The following RAG1 variants were observed in gnomAD, a reference collection of about 807,000 sequenced individuals.
The protein encoded by RAG1 is V(D)J recombination-activating protein 1.
Under a neutral mutation model 62.7 loss-of-function variants are expected in RAG1, and 35 were observed. That is an observed-to-expected ratio of 0.56 (90% CI 0.43 to 0.74). The LOEUF (loss-of-function observed/expected upper bound fraction) is 0.74, where lower values mean the gene tolerates loss of function less well. Ranked by LOEUF, RAG1 falls within the 30% of genes least tolerant of loss-of-function variation. The pLI is 0.00. For missense variants in RAG1, 1,169 were observed against 1,278.6 expected, an observed-to-expected ratio of 0.91 and a Z score of 1.31; for synonymous variants, 461 against 470.3, an observed-to-expected ratio of 0.98 and a Z score of 0.26.
intron 2 of RAG1, among the ~76,000 whole-genome samples, chr11:36,526,073 A>G (rs1046236048): frequency 1.3e-5 from 2 of 152,144 alleles, no homozygotes; most frequent in African/African-American, 4.8e-5. Context: ...ATATTGTTGA[A>G]GTCTGTTTGC....
At chr11:36,543,014 GC>G (rs1306814333) in intron 3 of RAG1, among the ~76,000 whole-genome samples, 1 of 152,132 alleles carries the variant, frequency 6.6e-6, no homozygotes, top group African/African-American at 2.4e-5. Flanking sequence ...TCTAATCAGT[GC>G]CTCGTTTTCT....
chr11:36,575,748 T>A lies in RAG1; in HGVS notation c.2444T>A (p.Ile815Lys). The change falls in exon 2 of 2, where the codon ATA becomes AAA. Residue 815 changes from isoleucine to lysine, a missense_variant. By Grantham distance (102) the Ile-to-Lys change is moderately radical (BLOSUM62 -3). Coordinates refer to ENST00000299440, the MANE Select transcript of RAG1 (RefSeq NM_000448.3). The surrounding 1 kb of genome is among the most constrained non-coding windows in gnomAD (Gnocchi z 4.1). Reference sequence around the variant, plus strand: ...TTCTACAAGATCTTCCAGCTAGAGATAGGGGAAGTGTATAAGAATCCCAAT... The same window carrying A: ...TTCTACAAGATCTTCCAGCTAGAGAAAGGGGAAGTGTATAAGAATCCCAAT... Reference protein sequence around the residue: ...AEFYKIFQLEIGEVYKNPNAS... With the variant: ...AEFYKIFQLEKGEVYKNPNAS... The A allele has an allele frequency of 6.2e-7, 1 of 1,614,160 alleles. No homozygotes were observed. The highest frequency in any genetic ancestry group is 2.2e-5 in the East Asian group (1 of 44,880).
Position 36,576,454 on chromosome 11 carries a change from G to A in RAG1, c.*18G>A. On this transcript the variant is annotated 3_prime_UTR_variant, in exon 2 of 2. Transcript: ENST00000299440. Reference sequence around the variant, plus strand: ...AATTTTAAGTAGGGCAACCACTTATGAGTTGGTTTTTGCAATTGAGTTTCC... The same window carrying A: ...AATTTTAAGTAGGGCAACCACTTATAAGTTGGTTTTTGCAATTGAGTTTCC... The A allele has an allele frequency of 1.2e-6, 2 of 1,613,734 alleles. No individual in the cohort carries two copies. Among genetic ancestry groups the A allele is most frequent in the East Asian group, 2.2e-5 (1 of 44,878 alleles).
At chr11:36,573,148 T>G in intron 1 of RAG1, 143 bp from the exon 2 acceptor site, 1 of 849,516 alleles carries the variant, frequency 1.2e-6, no homozygotes. Flanking sequence ...GCACCTAACA[T>G]GATATATTAA....
upstream of RAG1, chr11:36,566,447 G>C (rs1342414126): frequency 6.6e-6 from 1 of 152,124 alleles, no homozygotes; most frequent in African/African-American, 2.4e-5. Flanking sequence ...TTCCTTCAAG[G>C]GGAAGCATGA....
At position 36,573,746 on chromosome 11, in the gene RAG1, G is replaced by A; in HGVS notation, c.442G>A (p.Ala148Thr). 1 of 1,614,060 alleles carries A rather than the reference G, an allele frequency of 6.2e-7. No individual in the cohort carries two copies. Among genetic ancestry groups the A allele is most frequent in the Non-Finnish European group, 8.5e-7 (1 of 1,180,034 alleles). Reference sequence around the variant, plus strand: ...CCTTTTACGAAAGAAGGAAAAGAGAGCTACTTCCTGGCCGGACCTCATTGC... The same window carrying A: ...CCTTTTACGAAAGAAGGAAAAGAGAACTACTTCCTGGCCGGACCTCATTGC... ...LGLLRKKEKR[A>T]TSWPDLIAKV... The change falls in exon 2 of 2, where the codon GCT becomes ACT. Residue 148 changes from alanine to threonine, a missense_variant. Coordinates refer to ENST00000299440, the MANE Select transcript of RAG1 (RefSeq NM_000448.3).
At chr11:36,515,509 G>A (rs185492129) in intron 1 of RAG1, 1 of 152,350 alleles carries the variant, frequency 6.6e-6, no homozygotes, top group African/African-American at 2.4e-5. Flanking sequence ...TCTGAATACA[G>A]GATTCTGGCC....
At chr11:36,523,558 A>G (rs1590663492) in intron 2 of RAG1, among the ~76,000 whole-genome samples, 1 of 152,196 alleles carries the variant, frequency 6.6e-6, no homozygotes, top group African/African-American at 2.4e-5. Context: ...CTATATAACT[A>G]TAATATAATT....
At chr11:36,546,024 T>G (rs113150801) in intron 3 of RAG1, among the ~76,000 whole-genome samples, 1,824 of 152,236 alleles carry the variant, frequency 0.012, 34 homozygotes, top group African/African-American at 0.042. Flanking sequence ...TGTGGTCAAT[T>G]TTAGAATAGG....
Position 36,575,791 on chromosome 11 carries a change from G to A in RAG1, c.2487G>A (p.Arg829=), listed in dbSNP as rs752304188. The A allele has an allele frequency of 6.2e-7, 1 of 1,614,108 alleles. No individual in the cohort carries two copies. The highest frequency in any genetic ancestry group is 1.3e-5 in the African/African-American group (1 of 74,948). ...YKNPNASKEE[R]KRWQATLDKH... is the part of the protein sequence containing the mutation. ...ATCCCAATGCTTCCAAAGAGGAAAG[G>A]AAAAGGTGGCAGGCCACACTGGACA... is the stretch of plus-strand genomic sequence containing the variant. Residue 829 remains arginine, a synonymous_variant, in exon 2 of 2, where the codon AGG becomes AGA. Coordinates refer to ENST00000299440, the MANE Select transcript of RAG1 (RefSeq NM_000448.3). This position sits in a 1 kb window ranked among gnomAD's most constrained non-coding sequence, Gnocchi z 4.1.
chr11:36,560,266 T>C (rs1373531314), intron 3 of RAG1, among the ~76,000 whole-genome samples: 2 of 152,128 alleles, frequency 1.3e-5, no homozygotes, highest in Non-Finnish European at 2.9e-5. Context: ...GTATTGCCAG[T>C]GGTGGCAAGC....
At chr11:36,537,375 T>C (rs1041751019), downstream of RAG1, among the ~76,000 whole-genome samples, 1 of 152,162 alleles carries the variant, frequency 6.6e-6, no homozygotes, top group Non-Finnish European at 1.5e-5. Flanking sequence ...AGGGTCTTGA[T>C]TGTGGTGATG....
At chr11:36,543,704 C>G (rs1350193622) in intron 3 of RAG1, among the ~76,000 whole-genome samples, 1 of 152,134 alleles carries the variant, frequency 6.6e-6, no homozygotes, top group East Asian at 1.9e-4. Flanking sequence ...ACCTCTTAGT[C>G]CAGATTTATT....
intron 3 of RAG1, among the ~76,000 whole-genome samples, chr11:36,547,507 A>G (rs1237234535): frequency 1.3e-5 from 2 of 152,248 alleles, no homozygotes; most frequent in Non-Finnish European, 2.9e-5. Flanking sequence ...CTCTATGCAA[A>G]TAAACTAGAA....
At chr11:36,522,631 A>T (rs1252481453) in intron 2 of RAG1, among the ~76,000 whole-genome samples, 1 of 152,166 alleles carries the variant, frequency 6.6e-6, no homozygotes, top group East Asian at 1.9e-4. Flanking sequence ...GAAGAGGGCC[A>T]CCATCCTCCA....
At chr11:36,529,438 G>C (rs2554016) in intron 2 of RAG1, among the ~76,000 whole-genome samples, 149,317 of 152,300 alleles carry the variant, frequency 0.98, 73,245 homozygotes, top group Non-Finnish European at 1. Flanking sequence ...CGACAAAATT[G>C]AACAGCACTT....
intron 1 of RAG1, among the ~76,000 whole-genome samples, chr11:36,518,355 C>A (rs1412624337): frequency 6.6e-6 from 1 of 152,144 alleles, no homozygotes. Flanking sequence ...GGTATATACC[C>A]AGTAATGGGA....
chr11:36,574,398 A>G lies in RAG1; in HGVS notation c.1094A>G (p.Glu365Gly). 1 of 1,614,222 alleles carries G rather than the reference A, an allele frequency of 6.2e-7. No homozygotes were observed. Among genetic ancestry groups the G allele is most frequent in the Non-Finnish European group, 8.5e-7 (1 of 1,180,034 alleles). ...MVKCPAKECN[E>G]EVSLEKYNHH... ...AAATGTCCAGCAAAAGAGTGCAATG[A>G]GGAGGTCAGTTTGGAAAAATATAAT... Residue 365 changes from glutamate to glycine, a missense_variant, in exon 2 of 2, where the codon GAG (glutamate) becomes GGG (glycine). Transcript: ENST00000299440.
intron 2 of RAG1, among the ~76,000 whole-genome samples, chr11:36,530,054 T>G (rs994706106): frequency 1.3e-5 from 2 of 152,096 alleles, no homozygotes; most frequent in Admixed American, 6.6e-5. Flanking sequence ...TGGCTGTTTA[T>G]GTTTTTTGAG....
Sources: allele counts gnomAD v4.1 joint callset (sites outside exome capture counted in the v4.1 genomes callset), GRCh38; gene constraint gnomAD v4.1.1; non-coding constraint Gnocchi (gnomAD v3.1); transcripts MANE v1.5; gene names NCBI Gene and HGNC (gene_info 2026-07-23, HGNC 2026-07-21).